CEP295: variants seen among roughly 807,000 people sequenced by gnomAD.
The protein encoded by CEP295 is centrosomal protein of 295 kDa.
A neutral mutation model predicts 291.6 loss-of-function variants in CEP295; 190 were observed. The observed-to-expected ratio is 0.65, with a 90% CI of 0.58 to 0.73. The LOEUF (loss-of-function observed/expected upper bound fraction) is 0.73, where lower values mean the gene tolerates loss of function less well. Among genes scored for constraint, CEP295 ranks in the 30% least tolerant of loss-of-function variants. The pLI, the probability that CEP295 is intolerant of heterozygous loss-of-function variation, is 0.00. For missense variants in CEP295, 2,863 were observed against 2,949.4 expected, an observed-to-expected ratio of 0.97 and a Z score of 0.68; for synonymous variants, 993 against 1,038.8, an observed-to-expected ratio of 0.96 and a Z score of 0.85.
chr11:93,709,458 T>C (rs1210583190), intron 18 of CEP295, among the ~76,000 whole-genome samples: 2 of 152,166 alleles, frequency 1.3e-5, no homozygotes, highest in African/African-American at 2.4e-5. Context: ...ACACAGTAAA[T>C]GTATGAAATT....
In CEP295 at chr11:93,698,518, T is replaced by A. The variant is rs1020254583; in HGVS notation, c.3606T>A (p.Thr1202=). 3 of 1,552,008 alleles carry A rather than the reference T, an allele frequency of 1.9e-6. No homozygotes were observed. The highest frequency in any genetic ancestry group is 1.4e-5 in the African/African-American group (1 of 73,060). ...ELEKRISSEQ[T]GTSSSLSQVD... ...AGAAAAGAATTTCTTCTGAACAGAC[T>A]GGCACCTCCTCATCCCTTTCCCAGG... The change falls in exon 15 of 30, where the codon ACT becomes ACA. Residue 1202 remains threonine, a synonymous_variant. Transcript: ENST00000325212.
chr11:93,675,470 C>T (rs1439530878), intron 5 of CEP295, 101 bp from the exon 6 acceptor site: 30 of 561,414 alleles, frequency 5.3e-5, no homozygotes, highest in East Asian at 2.1e-4. Flanking sequence ...GTTTTGGATG[C>T]GGAGAACTCA....
chr11:93,695,012 G>A lies in CEP295; in HGVS notation c.1534-485G>A, dbSNP rs1951780238. ...TTTCTGCCATTTTCTTCTGTTCCAT[G>A]CCTGACAAAAAAGACACAGAATGTT... On this transcript the variant is annotated intron_variant, in intron 12 of 29. Transcript: ENST00000325212. Among the ~76,000 whole-genome samples, 3 of 152,110 alleles carry A rather than the reference G, an allele frequency of 2.0e-5. No individual in the cohort carries two copies. In the South Asian group the frequency reaches 6.2e-4, roughly 31 times the overall value.
At position 93,706,736 on chromosome 11, in the gene CEP295, C is replaced by A; in HGVS notation, c.5597-9C>A. ...AGAAATTGAAGTGGAAATATTTTTT[C>A]CCCCCCAGGTAAACCAGGTATTTAT... On this transcript the variant is annotated splice_polypyrimidine_tract_variant and intron_variant, in intron 17 of 29. Coordinates refer to ENST00000325212, the MANE Select transcript of CEP295 (RefSeq NM_033395.2). 3 of 1,496,064 alleles carry A rather than the reference C, an allele frequency of 2.0e-6. No individual in the cohort carries two copies. The South Asian group carries it at 3.9e-5, about 20-fold the overall frequency. The allele number at this position is 1,496,064 out of a possible 1,614,324, so 92.7% of individuals were successfully genotyped here. A position where few individuals can be genotyped will look rare whatever the true frequency, so the allele number is the denominator to read the frequency against.
intron 14 of CEP295, 104 bp from the exon 15 acceptor site, chr11:93,696,578 A>G: frequency 8.8e-7 from 1 of 1,142,418 alleles, no homozygotes; most frequent in South Asian, 1.7e-5. Context: ...TTTCACCATG[A>G]GTATTGCCAA....
chr11:93,717,034 A>C (rs1161308726), intron 18 of CEP295, among the ~76,000 whole-genome samples: 4 of 152,194 alleles, frequency 2.6e-5, no homozygotes, highest in Non-Finnish European at 4.4e-5. Flanking sequence ...GTGCTGGGAG[A>C]GTCTACAGAG....
At chr11:93,719,769 C>T (rs143321844) in intron 18 of CEP295, 1 of 151,856 alleles carries the variant, frequency 6.6e-6, no homozygotes, top group Admixed American at 6.6e-5. Context: ...AAGAAATATA[C>T]CTTTAATGTG....
At chr11:93,680,611 A>G (rs1232820888) in intron 7 of CEP295, among the ~76,000 whole-genome samples, 1 of 152,154 alleles carries the variant, frequency 6.6e-6, no homozygotes, top group Admixed American at 6.5e-5. Flanking sequence ...AGATTGCACT[A>G]TTGCACTCCA....
intron 15 of CEP295, among the ~76,000 whole-genome samples, chr11:93,702,193 A>T (rs914845341): frequency 2.0e-5 from 3 of 151,574 alleles, no homozygotes; most frequent in African/African-American, 7.3e-5. Flanking sequence ...TCCTGACTTC[A>T]GGTGTCCTGC....
At chr11:93,686,831 G>A (rs1951267046) in intron 9 of CEP295, among the ~76,000 whole-genome samples, 1 of 152,070 alleles carries the variant, frequency 6.6e-6, no homozygotes, top group Admixed American at 6.5e-5. Flanking sequence ...TATACACTTA[G>A]GTTTTTGTGC....
intron 20 of CEP295, chr11:93,722,534 G>A (rs1029929582): frequency 1.3e-5 from 2 of 159,052 alleles, no homozygotes; most frequent in African/African-American, 4.8e-5. Context: ...ATTACTGGAA[G>A]TAACAGGGAT....
intron 18 of CEP295, among the ~76,000 whole-genome samples, chr11:93,708,903 GA>G (rs1952703602): frequency 6.6e-6 from 1 of 152,106 alleles, no homozygotes; most frequent in Admixed American, 6.6e-5. Flanking sequence ...CACTGGTGTT[GA>G]TTGAGCACCT....
intron 17 of CEP295, among the ~76,000 whole-genome samples, chr11:93,705,711 T>C (rs1175217103): frequency 6.6e-6 from 1 of 152,232 alleles, no homozygotes; most frequent in Non-Finnish European, 1.5e-5. Flanking sequence ...CTCTGTCTTA[T>C]ACTTTAGAAC....
intron 18 of CEP295, among the ~76,000 whole-genome samples, chr11:93,717,068 C>A (rs1219916627): frequency 6.6e-6 from 1 of 152,178 alleles, no homozygotes; most frequent in Non-Finnish European, 1.5e-5. Flanking sequence ...ATTATTAAGA[C>A]TTTTCCTGGG....
In CEP295 at chr11:93,699,555, C is replaced by T; in HGVS notation, c.4643C>T (p.Ser1548Phe). The change falls in exon 15 of 30, where the codon TCC becomes TTC. Residue 1548 changes from serine (S) to phenylalanine (F), a missense_variant. Ser to Phe is a radical substitution (Grantham distance 155). Transcript: ENST00000325212. ...EKRVSSEQVC[S>F]SSFVSQVPVA... ...AGGGTATCATCTGAACAAGTTTGCT[C>T]CTCTTCATTTGTATCCCAGGTGCCT... 1.3e-6 allele frequency: 2 copies of T among 1,551,854 alleles called. No homozygotes were observed. The highest frequency in any genetic ancestry group is 1.7e-6 in the Non-Finnish European group (2 of 1,147,098).
chr11:93,725,903 C>T lies in CEP295; in HGVS notation c.6499+72C>T, dbSNP rs943803359. 6.9e-6 allele frequency: 9 copies of T among 1,312,348 alleles called. No individual in the cohort carries two copies. In the East Asian group the frequency reaches 1.8e-4, roughly 26 times the overall value. The allele number at this position is 1,312,348 out of a possible 1,614,324, so 81.3% of individuals were successfully genotyped here. On this transcript the variant is annotated intron_variant, in intron 23 of 29. Coordinates refer to ENST00000325212, the MANE Select transcript of CEP295 (RefSeq NM_033395.2). ...ACATCCATTTCCTTAGAAATTAAGC[C>T]TAGCACCTCTTGGTTTGTCTTCACC...
intron 17 of CEP295, 112 bp from the exon 18 acceptor site, chr11:93,706,633 T>G (rs1446215897): frequency 1.2e-6 from 1 of 837,302 alleles, no homozygotes; most frequent in Admixed American, 3.4e-5. Flanking sequence ...ATTATTGCTA[T>G]ATACAGTAAG....
intron 18 of CEP295, among the ~76,000 whole-genome samples, chr11:93,719,949 A>G (rs1459449375): frequency 6.6e-6 from 1 of 152,044 alleles, no homozygotes; most frequent in Non-Finnish European, 1.5e-5. Context: ...AGAATACATG[A>G]TTGTTAATAT....
In CEP295 at chr11:93,697,174, AT is replaced by A. The variant is rs1297435090; in HGVS notation, c.2265del (p.Phe755LeufsTer9). Reference protein sequence around the residue: ...SQDARKISETFGATTFQSLES... With the variant: ...SQDARKISETXGATTFQSLES... The stretch of plus-strand genomic sequence containing the variant: ...AGGATGCTAGAAAAATATCTGAAAC[AT>A]TTGGGGCAACAACTTTTCAAAGTTT... On this transcript the variant is annotated frameshift_variant, in exon 15 of 30. Coordinates refer to ENST00000325212, the MANE Select transcript of CEP295 (RefSeq NM_033395.2). LOFTEE classifies it high-confidence loss of function. The A allele has an allele frequency of 6.4e-7, 1 of 1,551,886 alleles. No individual in the cohort carries two copies. Among genetic ancestry groups the A allele is most frequent in the Admixed American group, 2.0e-5 (1 of 51,016 alleles).
Sources: allele counts gnomAD v4.1 joint callset (sites outside exome capture counted in the v4.1 genomes callset), GRCh38; gene constraint gnomAD v4.1.1; transcripts MANE v1.5; gene names NCBI Gene and HGNC (gene_info 2026-07-23, HGNC 2026-07-21).